The following FAM25A variants were observed in gnomAD, a reference collection of about 807,000 sequenced individuals.
The protein encoded by FAM25A is protein FAM25A.
A neutral mutation model predicts 6.6 loss-of-function variants in FAM25A; 5 were observed. That is an observed-to-expected ratio of 0.75 (90% CI 0.39 to 1.59). The LOEUF (loss-of-function observed/expected upper bound fraction) is 1.59. Among genes scored for constraint, FAM25A ranks in the 40% most tolerant of loss-of-function variants. FAM25A has a pLI of 0.02. For synonymous variants in FAM25A, 36 were observed against 41.3 expected (o/e 0.87, Z 0.49); for missense variants, 93 against 109.7 (o/e 0.85, Z 0.68).
chr10:87,022,235 G>T, intron 1 of FAM25A, 79 bp from the exon 2 acceptor site: 1 of 1,525,880 alleles, frequency 6.6e-7, no homozygotes, highest in Admixed American at 2.0e-5. Context: ...CAGTGGGCCT[G>T]CTCTGAGCCC....
chr10:87,024,038 C>T (rs1845355500), intron 2 of FAM25A, among the ~76,000 whole-genome samples: 1 of 151,878 alleles, frequency 6.6e-6, no homozygotes, highest in Admixed American at 6.6e-5. Flanking sequence ...ATAGTAATAA[C>T]ATAAAAGACT....
intron 2 of FAM25A, among the ~76,000 whole-genome samples, chr10:87,023,749 G>A (rs1339121525): frequency 4.8e-5 from 6 of 125,880 alleles, no homozygotes; most frequent in East Asian, 2.9e-4. Flanking sequence ...TAAACTGGGC[G>A]ACTTAGAAAC....
chr10:87,024,116 T>C (rs1451663009), intron 2 of FAM25A, among the ~76,000 whole-genome samples: 1 of 148,306 alleles, frequency 6.7e-6, no homozygotes, highest in Non-Finnish European at 1.5e-5. Flanking sequence ...ATAAAGGAAA[T>C]ATTAAGTAAA....
chr10:87,022,091 G>A (rs1490554433), intron 1 of FAM25A, among the ~76,000 whole-genome samples: 1 of 152,178 alleles, frequency 6.6e-6, no homozygotes, highest in Non-Finnish European at 1.5e-5. Context: ...CCAGCTGTGG[G>A]GGAAGGTCCT....
At chr10:87,022,697 A>C (rs1183335669) in intron 2 of FAM25A, among the ~76,000 whole-genome samples, 2 of 150,702 alleles carry the variant, frequency 1.3e-5, no homozygotes, top group Admixed American at 1.3e-4. Context: ...GAGGCTGAGG[A>C]GGGTGGATCA....
intron 2 of FAM25A, among the ~76,000 whole-genome samples, chr10:87,022,599 TCA>T (rs1039727656): frequency 6.6e-6 from 1 of 152,138 alleles, no homozygotes; most frequent in African/African-American, 2.4e-5. Flanking sequence ...GAAGACAAAG[TCA>T]CACAAGACTA....
chr10:87,022,976 G>A (rs1420715315), intron 2 of FAM25A, among the ~76,000 whole-genome samples: 1 of 148,632 alleles, frequency 6.7e-6, no homozygotes, highest in Non-Finnish European at 1.5e-5. Context: ...GCTCACGCCT[G>A]TGATCCCAGC....
At chr10:87,021,211 A>C (rs1845326591) in intron 1 of FAM25A, among the ~76,000 whole-genome samples, 1 of 152,158 alleles carries the variant, frequency 6.6e-6, no homozygotes, top group Non-Finnish European at 1.5e-5. Flanking sequence ...TCGTGTGAAA[A>C]ACAGTCTTGC....
Position 87,023,863 on chromosome 10 carries a change from C to A in FAM25A, c.137-678C>A, listed in dbSNP as rs184080754. Among the ~76,000 whole-genome samples the A allele has an allele frequency of 1.3e-3, 191 of 152,088 alleles. 3 individuals carry two copies. The highest frequency in any genetic ancestry group is 4.4e-3 in the South Asian group (21 of 4,806). ...GGAGTCTTTCTGGTTCGTGGATGGG[C>A]CCAGCTCTGTCCTCACATGGTGGAA... On this transcript the variant is annotated intron_variant, in intron 2 of 2. Transcript: ENST00000343959.
chr10:87,021,120 A>G (rs950916591), intron 1 of FAM25A, among the ~76,000 whole-genome samples: 2 of 152,128 alleles, frequency 1.3e-5, no homozygotes, highest in African/African-American at 2.4e-5. Flanking sequence ...GAACCACCGC[A>G]CCTGGTCCCG....
chr10:87,022,876 T>G (rs1294202457), intron 2 of FAM25A, among the ~76,000 whole-genome samples: 13 of 137,110 alleles, frequency 9.5e-5, no homozygotes, highest in Admixed American at 2.2e-4. Context: ...GCAGTGAGCC[T>G]AGATCATGCC....
intron 1 of FAM25A, among the ~76,000 whole-genome samples, chr10:87,021,376 G>T (rs1014864288): frequency 3.3e-5 from 5 of 152,180 alleles, no homozygotes; most frequent in African/African-American, 1.2e-4. Flanking sequence ...AGAAGCTGAG[G>T]CAGGGCTTGC....
intron 1 of FAM25A, among the ~76,000 whole-genome samples, chr10:87,021,545 C>A (rs1439463947): frequency 1.3e-5 from 2 of 152,224 alleles, no homozygotes; most frequent in African/African-American, 2.4e-5. Context: ...GAACTCCGGG[C>A]CTTCGCAGCC....
chr10:87,024,726 G>A lies in FAM25A; in HGVS notation c.*52G>A. 1 of 1,535,526 alleles carries A rather than the reference G, an allele frequency of 6.5e-7. No individual in the cohort carries two copies. The highest frequency in any genetic ancestry group is 8.7e-7 in the Non-Finnish European group (1 of 1,146,806). On this transcript the variant is annotated 3_prime_UTR_variant, in exon 3 of 3. Transcript: ENST00000343959. ...CAGTCTCAATAAAAAGCCATGACAT[G>A]TGTACATTGAGCGCTGGATTTATAC... is the stretch of plus-strand genomic sequence containing the variant.
intron 2 of FAM25A, 67 bp from the exon 3 acceptor site, chr10:87,024,474 G>T: frequency 2.0e-6 from 3 of 1,535,564 alleles, no homozygotes; most frequent in Middle Eastern, 4.6e-4. Context: ...CATCCCACAG[G>T]CCACTCAAGG....
At chr10:87,021,356 G>GTAT (rs1344830923) in intron 1 of FAM25A, among the ~76,000 whole-genome samples, 3 of 152,234 alleles carry the variant, frequency 2.0e-5, no homozygotes, top group African/African-American at 7.2e-5. Flanking sequence ...GAAAAGCTGA[G>GTAT]TGTTGGGAGA....
rs537518847 is a variant in FAM25A at position 87,022,228 on chromosome 10, T to C, written c.74-86T>C. The C allele has an allele frequency of 2.7e-6, 4 of 1,492,964 alleles. No individual in the cohort carries two copies. The African/African-American group carries it at 5.6e-5, about 21-fold the overall frequency. The allele number at this position is 1,492,964 out of a possible 1,614,324, so 92.5% of individuals were successfully genotyped here. On this transcript the variant is annotated intron_variant, in intron 1 of 2. Coordinates refer to ENST00000343959, the MANE Select transcript of FAM25A (RefSeq NM_001146157.3). ...CCCTCACCCTGGACTGGGAGGGCAG[T>C]GGGCCTGCTCTGAGCCCTCACCCTG...
chr10:87,022,348 G>A lies in FAM25A; in HGVS notation c.108G>A (p.Val36=). Residue 36 remains valine, a synonymous_variant, in exon 2 of 3, where the codon GTG becomes GTA. Transcript: ENST00000343959. The stretch of plus-strand genomic sequence containing the variant: ...TGGAAGAAGTGGTGAAGGAGGTGGT[G>A]GGACACGCCAAGGAGACTGGAGAGA... ...HAVEEVVKEV[V]GHAKETGEKA... 6.5e-7 allele frequency: 1 copy of A among 1,548,876 alleles called. No homozygotes were observed. The highest frequency in any genetic ancestry group is 8.7e-7 in the Non-Finnish European group (1 of 1,146,696).
At chr10:87,021,524 A>G (rs184588145) in intron 1 of FAM25A, among the ~76,000 whole-genome samples, 722 of 152,316 alleles carry the variant, frequency 4.7e-3, no homozygotes, top group Middle Eastern at 0.024. Context: ...AATAAATAGC[A>G]TGGGTTCCCA....
Sources: allele counts gnomAD v4.1 joint callset (sites outside exome capture counted in the v4.1 genomes callset), GRCh38; gene constraint gnomAD v4.1.1; transcripts MANE v1.5; gene names NCBI Gene and HGNC (gene_info 2026-07-23, HGNC 2026-07-21).